RAB7A: variants seen among roughly 807,000 people sequenced by gnomAD.
RAB7A encodes RAB7A, member RAS oncogene family.
Under a neutral mutation model 24.5 loss-of-function variants are expected in RAB7A, and 2 were observed. The ratio of observed to expected loss-of-function variants is 0.08; its 90% CI spans 0.03 to 0.26. The LOEUF is 0.26. RAB7A is among the 10% of genes least tolerant of loss of function. The pLI is 1.00. For missense variants in RAB7A, 118 were observed against 255.7 expected, an observed-to-expected ratio of 0.46 and a Z score of 3.67; for synonymous variants, 100 against 95.9, an observed-to-expected ratio of 1.04 and a Z score of -0.25.
chr3:128,740,268 C>T (rs971645533), intron 1 of RAB7A, among the ~76,000 whole-genome samples: 2 of 151,946 alleles, frequency 1.3e-5, no homozygotes, highest in African/African-American at 4.8e-5. Context: ...GTAATCCCAG[C>T]TACTCTGGAG....
In RAB7A at chr3:128,763,112, A is replaced by T. The variant is rs1254431780; in HGVS notation, c.-8-32248A>T. Among the ~76,000 whole-genome samples, 3 of 146,104 alleles carry T rather than the reference A, an allele frequency of 2.1e-5. No homozygotes were observed. In the South Asian group the frequency reaches 6.5e-4, roughly 32 times the overall value. ...TAGGTTTGTCTGGGTGCATCTTTTG[A>T]TGTTTAATGTATTTCTCTATCCCCA... On this transcript the variant is annotated intron_variant, in intron 1 of 5. Coordinates refer to ENST00000265062, the MANE Select transcript of RAB7A (RefSeq NM_004637.6).
chr3:128,790,574 G>C (rs751556249), intron 1 of RAB7A, among the ~76,000 whole-genome samples: 10 of 152,204 alleles, frequency 6.6e-5, no homozygotes, highest in Non-Finnish European at 4.4e-5. Flanking sequence ...TCTCTTGGAA[G>C]AGGAGATGTA....
At chr3:128,807,778 G>C in intron 5 of RAB7A, 107 bp downstream of exon 5, 1 of 1,507,770 alleles carries the variant, frequency 6.6e-7, no homozygotes, top group South Asian at 1.1e-5. Context: ...ACTCTTTTCT[G>C]TATAGCCAGA....
At chr3:128,727,552 A>C (rs903991536) in intron 1 of RAB7A, among the ~76,000 whole-genome samples, 1 of 152,232 alleles carries the variant, frequency 6.6e-6, no homozygotes, top group African/African-American at 2.4e-5. Context: ...ATTGTGGTGT[A>C]GTGTCACCGA....
chr3:128,765,073 G>T, intron 1 of RAB7A: 1 of 994,854 alleles, frequency 1.0e-6, no homozygotes, highest in African/African-American at 1.6e-5. Context: ...AGCGGCGGCG[G>T]GGGCCTTGGG....
intron 1 of RAB7A, among the ~76,000 whole-genome samples, chr3:128,771,962 C>A (rs1559788540): frequency 6.6e-6 from 1 of 152,174 alleles, no homozygotes; most frequent in South Asian, 2.1e-4. Context: ...TCCAAATACC[C>A]TCAAAACTCA....
At chr3:128,809,128 C>T (rs1050552507) in intron 5 of RAB7A, among the ~76,000 whole-genome samples, 2 of 152,224 alleles carry the variant, frequency 1.3e-5, no homozygotes, top group African/African-American at 2.4e-5. Flanking sequence ...TCCCTGTTGC[C>T]TGGCATCACT....
chr3:128,741,033 A>G (rs1264576031), intron 1 of RAB7A, among the ~76,000 whole-genome samples: 3 of 151,702 alleles, frequency 2.0e-5, no homozygotes, highest in Non-Finnish European at 4.4e-5. Flanking sequence ...TAATAAATGT[A>G]GAAAAAATAT....
Position 128,813,609 on chromosome 3 carries a change from A to T in RAB7A, c.*187A>T. On this transcript the variant is annotated 3_prime_UTR_variant, in exon 6 of 6. Coordinates refer to ENST00000265062, the MANE Select transcript of RAB7A (RefSeq NM_004637.6). ...CTCACACACACACACACACGCACAC[A>T]CACACACACAGATCTGACGTAATCA... The T allele has an allele frequency of 1.6e-6, 1 of 609,558 alleles. No individual in the cohort carries two copies. The highest frequency in any genetic ancestry group is 3.1e-6 in the Non-Finnish European group (1 of 327,054). 37.8% of individuals were successfully genotyped at this position (609,558 alleles called of 1,614,324 possible). A position where few individuals can be genotyped will look rare whatever the true frequency, so the allele number is the denominator to read the frequency against.
chr3:128,812,296 G>C (rs143487400), intron 5 of RAB7A, among the ~76,000 whole-genome samples: 40 of 152,250 alleles, frequency 2.6e-4, no homozygotes, highest in Middle Eastern at 3.4e-3. Context: ...TGTATTTTTA[G>C]TAGAGACGGG....
chr3:128,769,690 G>T (rs2070866160), intron 1 of RAB7A, among the ~76,000 whole-genome samples: 1 of 152,152 alleles, frequency 6.6e-6, no homozygotes, highest in African/African-American at 2.4e-5. Flanking sequence ...TCTGTTAAAA[G>T]ACAAAATTAC....
chr3:128,734,644 T>G (rs2070472689), intron 1 of RAB7A, among the ~76,000 whole-genome samples: 1 of 131,756 alleles, frequency 7.6e-6, no homozygotes, highest in African/African-American at 2.9e-5. Context: ...TAGTAGATGG[T>G]GCTTTCATTC....
chr3:128,784,058 A>G (rs776795050), intron 1 of RAB7A, among the ~76,000 whole-genome samples: 2 of 152,208 alleles, frequency 1.3e-5, no homozygotes, highest in African/African-American at 4.8e-5. Flanking sequence ...AACATTCCCA[A>G]TTTAGCACAG....
chr3:128,766,341 A>G (rs2070831154), intron 1 of RAB7A, among the ~76,000 whole-genome samples: 1 of 152,234 alleles, frequency 6.6e-6, no homozygotes, highest in Non-Finnish European at 1.5e-5. Context: ...AGTAAATAAC[A>G]GTTATTCAAC....
intron 1 of RAB7A, among the ~76,000 whole-genome samples, chr3:128,794,645 A>G (rs1421790250): frequency 6.6e-6 from 1 of 152,210 alleles, no homozygotes; most frequent in Non-Finnish European, 1.5e-5. Context: ...TAGATAGACC[A>G]TGCTGTGGCA....
intron 1 of RAB7A, among the ~76,000 whole-genome samples, chr3:128,775,359 C>A (rs1370961974): frequency 6.6e-6 from 1 of 152,204 alleles, no homozygotes; most frequent in Non-Finnish European, 1.5e-5. Context: ...AGTCTCCACC[C>A]TTCCTCCACT....
At chr3:128,741,051 AT>A (rs910444235) in intron 1 of RAB7A, among the ~76,000 whole-genome samples, 1 of 151,166 alleles carries the variant, frequency 6.6e-6, no homozygotes, top group Non-Finnish European at 1.5e-5. Flanking sequence ...TATTAACTAC[AT>A]TTTTTTATAT....
At chr3:128,798,825 A>T (rs75157700) in intron 3 of RAB7A, 8 of 198,606 alleles carry the variant, frequency 4.0e-5, no homozygotes, top group Non-Finnish European at 7.1e-5. Flanking sequence ...TAAATTTAAA[A>T]AAAAAAAAAA....
At chr3:128,730,762 A>C (rs1021580263) in intron 1 of RAB7A, among the ~76,000 whole-genome samples, 2 of 152,228 alleles carry the variant, frequency 1.3e-5, no homozygotes, top group African/African-American at 4.8e-5. Context: ...GCTGACCTAC[A>C]GCATTGGCCT....
Sources: allele counts gnomAD v4.1 joint callset (sites outside exome capture counted in the v4.1 genomes callset), GRCh38; gene constraint gnomAD v4.1.1; transcripts MANE v1.5; gene names NCBI Gene and HGNC (gene_info 2026-07-23, HGNC 2026-07-21).